SPG11: variants seen among roughly 807,000 people sequenced by gnomAD.
SPG11 encodes the protein spatacsin.
In SPG11, 222 loss-of-function variants were observed where a neutral mutation model predicts 274.0. The observed-to-expected ratio is 0.81, with a 90% CI of 0.73 to 0.91. The LOEUF is 0.91. SPG11 is among the 40% of genes least tolerant of loss of function. SPG11 has a pLI of 0.00. For missense variants in SPG11, 3,114 were observed against 2,872.7 expected (o/e 1.08, Z -1.92); for synonymous variants, 1,144 against 1,039.7 (o/e 1.10, Z -1.93).
At chr15:44,592,530 T>A in intron 26 of SPG11, 92 bp from the exon 27 acceptor site, 1 of 823,898 alleles carries the variant, frequency 1.2e-6, no homozygotes, top group Admixed American at 1.9e-5. Context: ...AAAAATGCTA[T>A]TAATAAGGCA....
intron 36 of SPG11, 147 bp downstream of exon 36, chr15:44,567,277 G>A (rs1024160523): frequency 1.6e-5 from 12 of 760,028 alleles, no homozygotes; most frequent in Admixed American, 2.5e-5. Flanking sequence ...CTTGAACCTG[G>A]GAGGCGGAGG....
intron 30 of SPG11, among the ~76,000 whole-genome samples, chr15:44,576,640 C>G (rs1182736185): frequency 1.3e-5 from 2 of 148,234 alleles, no homozygotes; most frequent in African/African-American, 2.5e-5. Flanking sequence ...CAGAGCGAGA[C>G]TCTGTCTCAA....
chr15:44,564,576 CT>C lies in SPG11; in HGVS notation c.7121del (p.Lys2374SerfsTer25), dbSNP rs767128082. 6.2e-7 allele frequency: 1 copy of C among 1,614,022 alleles called. No individual in the cohort carries two copies. Among genetic ancestry groups the C allele is most frequent in the South Asian group, 1.1e-5 (1 of 91,082 alleles). On this transcript the variant is annotated frameshift_variant, in exon 39 of 40. Coordinates refer to ENST00000261866, the MANE Select transcript of SPG11 (RefSeq NM_025137.4). LOFTEE classifies it high-confidence loss of function. ...TGGAAATCTCTTCAAATATACTGGACTTTAATAACCTTTGCTGCTTAAATTC... is the reference window on the plus strand; with the variant it reads ...TGGAAATCTCTTCAAATATACTGGACTTAATAACCTTTGCTGCTTAAATTC... Reference protein sequence around the residue: ...LEEFKQQRLLKSSIFEEISKK... With the variant: ...LEEFKQQRLLXSSIFEEISKK...
At chr15:44,640,884 C>A (rs2084419836) in intron 7 of SPG11, among the ~76,000 whole-genome samples, 1 of 152,118 alleles carries the variant, frequency 6.6e-6, no homozygotes, top group Admixed American at 6.6e-5. Context: ...GTGTGCACCA[C>A]CATGCCCAGC....
At chr15:44,629,497 A>C in intron 8 of SPG11, 109 bp from the exon 9 acceptor site, 11 of 1,233,572 alleles carry the variant, frequency 8.9e-6, no homozygotes, top group Non-Finnish European at 1.3e-5. Flanking sequence ...AACAAGGACC[A>C]ATGTCTTATT....
In SPG11 at chr15:44,572,624, G is replaced by C. The variant is rs1266741476; in HGVS notation, c.6343+59C>G. 4 of 1,590,454 alleles carry C rather than the reference G, an allele frequency of 2.5e-6. No homozygotes were observed. The African/African-American group carries it at 5.4e-5, about 21-fold the overall frequency. ...CCCAAATCAAGTTTTGGAGAGACTGGGAGACCTTTTGAGACCTGTTTAGGG... is the reference window on the plus strand; with the variant it reads ...CCCAAATCAAGTTTTGGAGAGACTGCGAGACCTTTTGAGACCTGTTTAGGG... On this transcript the variant is annotated intron_variant, in intron 33 of 39. Transcript: ENST00000261866.
At chr15:44,611,324 C>CT (rs1344227124) in intron 17 of SPG11, among the ~76,000 whole-genome samples, 1 of 152,078 alleles carries the variant, frequency 6.6e-6, no homozygotes, top group Non-Finnish European at 1.5e-5. Flanking sequence ...AATACTGACT[C>CT]TAACAGATAA....
At chr15:44,648,736 T>A in intron 7 of SPG11, 130 bp downstream of exon 7, 1 of 1,085,256 alleles carries the variant, frequency 9.2e-7, no homozygotes, top group East Asian at 2.4e-5. Context: ...CCAGAACTGT[T>A]TAAATAGATA....
At position 44,651,482 on chromosome 15, in the gene SPG11, C is replaced by G. The variant is rs780278801; in HGVS notation, c.1456+9G>C. On this transcript the variant is annotated intron_variant, in intron 6 of 39. Transcript: ENST00000261866. ...CAATGGATTTCAATCTAATACAAGA[C>G]AGTCTCACCTGTCAAAACAAAGCAC... The G allele has an allele frequency of 1.9e-6, 3 of 1,611,346 alleles. No homozygotes were observed.
intron 23 of SPG11, 36 bp downstream of exon 23, chr15:44,598,229 T>G: frequency 6.6e-7 from 1 of 1,523,362 alleles, no homozygotes; most frequent in Non-Finnish European, 9.1e-7. Context: ...CACAATAAGC[T>G]TGTTAGAAAA....
At chr15:44,593,695 A>G (rs566810626) in intron 26 of SPG11, among the ~76,000 whole-genome samples, 2 of 152,162 alleles carry the variant, frequency 1.3e-5, no homozygotes, top group African/African-American at 4.8e-5. Flanking sequence ...AAGTTACTTA[A>G]GTTTTGTGAG....
chr15:44,655,663 T>C (rs1160084199), intron 4 of SPG11, among the ~76,000 whole-genome samples: 1 of 152,162 alleles, frequency 6.6e-6, no homozygotes, highest in Non-Finnish European at 1.5e-5. Context: ...AACCAACTGT[T>C]TATGTTATCA....
At chr15:44,624,773 T>C (rs2083851591) in intron 11 of SPG11, among the ~76,000 whole-genome samples, 1 of 152,192 alleles carries the variant, frequency 6.6e-6, no homozygotes, top group East Asian at 1.9e-4. Flanking sequence ...AACATCATAT[T>C]GTATACCTTA....
At chr15:44,653,627 C>T (rs1053346798) in intron 4 of SPG11, among the ~76,000 whole-genome samples, 6 of 151,988 alleles carry the variant, frequency 3.9e-5, no homozygotes, top group South Asian at 2.1e-4. Context: ...CATAGAGTGA[C>T]GACAGAAGAG....
At chr15:44,564,365 C>G (rs1191332481) in intron 39 of SPG11, among the ~76,000 whole-genome samples, 182 bp downstream of exon 39, 1 of 152,170 alleles carries the variant, frequency 6.6e-6, no homozygotes, top group Admixed American at 6.5e-5. Context: ...GCAAACTGTT[C>G]TTGTTGATCT....
At chr15:44,622,410 T>C in intron 12 of SPG11, 63 bp from the exon 13 acceptor site, 2 of 1,327,876 alleles carry the variant, frequency 1.5e-6, no homozygotes, top group Non-Finnish European at 2.1e-6. Context: ...GCAAAAAATG[T>C]CATGAGATTA....
Position 44,570,657 on chromosome 15 carries a change from G to A in SPG11, c.6345C>T (p.Thr2115=). The A allele has an allele frequency of 2.5e-6, 4 of 1,613,898 alleles. No homozygotes were observed. Among genetic ancestry groups the A allele is most frequent in the Middle Eastern group, 1.6e-4 (1 of 6,062 alleles). Residue 2115 remains threonine, a splice_region_variant and synonymous_variant, in exon 34 of 40, where the codon ACC becomes ACT. Transcript: ENST00000261866. ...SSVPHGELSC[T]TELLILAHHC... is the part of the protein sequence containing the mutation. ...GATGGGCCAGGATCAGGAGCTCTGT[G>A]GCTGGGAGGGTGGGCACTGGTAAGA...
At chr15:44,564,073 A>G (rs1274434797) in intron 39 of SPG11, among the ~76,000 whole-genome samples, 1 of 152,154 alleles carries the variant, frequency 6.6e-6, no homozygotes, top group Non-Finnish European at 1.5e-5. Flanking sequence ...AGCTTACTGC[A>G]GCCTCTGTCC....
chr15:44,587,542 T>C (rs1301221393), intron 28 of SPG11, among the ~76,000 whole-genome samples: 1 of 151,758 alleles, frequency 6.6e-6, no homozygotes, highest in African/African-American at 2.4e-5. Context: ...ATACAAAAAT[T>C]AGCCAGGTGT....
Sources: gnomAD v4.1 joint callset for allele counts (sites outside exome capture counted in the v4.1 genomes callset) on GRCh38, gnomAD v4.1.1 for gene constraint, MANE v1.5 for transcripts, NCBI Gene and HGNC (gene_info 2026-07-23, HGNC 2026-07-21) for gene names.